Variants in CACNA1E observed in about 807,000 individuals in gnomAD.
CACNA1E encodes voltage-dependent R-type calcium channel subunit alpha-1E.
Under a neutral mutation model 259.2 loss-of-function variants are expected in CACNA1E, and 40 were observed. The observed-to-expected ratio is 0.15, with a 90% confidence interval of 0.12 to 0.20. The LOEUF (loss-of-function observed/expected upper bound fraction) is 0.20. CACNA1E is among the 10% of genes least tolerant of loss of function. The pLI, the probability that CACNA1E is intolerant of heterozygous loss-of-function variation, is 1.00. For synonymous variants in CACNA1E, 1,104 were observed against 1,138.5 expected (o/e 0.97, Z 0.61); for missense variants, 1,874 against 3,040.1 (o/e 0.62, Z 9.02).
chr1:181,481,998 G>T (rs556677422), upstream of CACNA1E, among the ~76,000 whole-genome samples: 2 of 152,308 alleles, frequency 1.3e-5, no homozygotes, highest in Non-Finnish European at 2.9e-5. Context: ...ACGTCGGGCA[G>T]GGCTTTCCTA....
At chr1:181,463,309 T>C (rs1207261663) in intron 2 of CACNA1E, among the ~76,000 whole-genome samples, 1 of 152,108 alleles carries the variant, frequency 6.6e-6, no homozygotes, top group Non-Finnish European at 1.5e-5. Context: ...TCTAAAATTA[T>C]CTTAATATTT....
chr1:181,489,629 T>C (rs1664142338), intron 1 of CACNA1E, among the ~76,000 whole-genome samples: 1 of 152,224 alleles, frequency 6.6e-6, no homozygotes, highest in Admixed American at 6.5e-5. Flanking sequence ...ACTCAGAGAC[T>C]GTGGTTAAGT....
upstream of CACNA1E, among the ~76,000 whole-genome samples, chr1:181,481,376 A>T (rs989413351): frequency 8.7e-4 from 130 of 148,806 alleles, no homozygotes; most frequent in Admixed American, 2.5e-3. Context: ...ACACACTCTC[A>T]CATACATTCT....
At chr1:181,540,271 CA>C (rs1340823139) in intron 3 of CACNA1E, among the ~76,000 whole-genome samples, 1 of 152,168 alleles carries the variant, frequency 6.6e-6, no homozygotes, top group Non-Finnish European at 1.5e-5. Flanking sequence ...CCTCATCTCC[CA>C]AACCGTGGCA....
At chr1:181,387,791 G>A (rs1052838696) in intron 1 of CACNA1E, among the ~76,000 whole-genome samples, 3 of 152,180 alleles carry the variant, frequency 2.0e-5, no homozygotes, top group African/African-American at 7.2e-5. Flanking sequence ...GTCAGTGCTT[G>A]CATTTTTTGT....
At chr1:181,754,640 C>T (rs1657926824) in intron 27 of CACNA1E, among the ~76,000 whole-genome samples, 1 of 152,180 alleles carries the variant, frequency 6.6e-6, no homozygotes, top group African/African-American at 2.4e-5. Context: ...TTCTATTGGT[C>T]TTCATCCCAA....
At chr1:181,587,941 A>G (rs1037905033) in intron 6 of CACNA1E, among the ~76,000 whole-genome samples, 2 of 152,236 alleles carry the variant, frequency 1.3e-5, no homozygotes, top group Non-Finnish European at 2.9e-5. Context: ...GGACAAATTC[A>G]GTCTGTGGAG....
At chr1:181,388,102 C>A (rs1019733772) in intron 1 of CACNA1E, among the ~76,000 whole-genome samples, 2 of 152,206 alleles carry the variant, frequency 1.3e-5, no homozygotes, top group African/African-American at 4.8e-5. Flanking sequence ...ATTTGTTTCT[C>A]CCCGGAGAGT....
At chr1:181,710,711 A>G (rs1347314587) in intron 7 of CACNA1E, among the ~76,000 whole-genome samples, 1 of 152,236 alleles carries the variant, frequency 6.6e-6, no homozygotes, top group Non-Finnish European at 1.5e-5. Context: ...AAACAGAGCA[A>G]GCAATCAGTT....
intron 6 of CACNA1E, among the ~76,000 whole-genome samples, chr1:181,616,705 T>C (rs1242272101): frequency 6.6e-6 from 1 of 151,604 alleles, no homozygotes. Flanking sequence ...AGAGCAAGAC[T>C]CCATCTCAAA....
chr1:181,755,899 C>A, intron 28 of CACNA1E, 57 bp from the exon 29 acceptor site: 2 of 1,565,854 alleles, frequency 1.3e-6, no homozygotes, highest in Non-Finnish European at 1.7e-6. Flanking sequence ...TGTGCTGACT[C>A]TTCTGTAGAA....
intron 3 of CACNA1E, among the ~76,000 whole-genome samples, chr1:181,539,196 T>C (rs2102771843): frequency 6.6e-6 from 1 of 152,320 alleles, no homozygotes; most frequent in Non-Finnish European, 1.5e-5. Context: ...TTTCCGTTAC[T>C]CGTTGACTAG....
At chr1:181,456,185 A>G (rs1227375839) in intron 2 of CACNA1E, among the ~76,000 whole-genome samples, 3 of 152,140 alleles carry the variant, frequency 2.0e-5, no homozygotes, top group African/African-American at 7.2e-5. Context: ...TGATGGTACC[A>G]GTGAGTGAGG....
chr1:181,731,371 A>G, intron 19 of CACNA1E, 140 bp downstream of exon 19: 2 of 699,284 alleles, frequency 2.9e-6, no homozygotes, highest in East Asian at 5.4e-5. Context: ...TGTTCCGTTC[A>G]CATGATCTGT....
intron 25 of CACNA1E, among the ~76,000 whole-genome samples, chr1:181,740,034 C>T (rs895276525): frequency 3.9e-5 from 6 of 152,260 alleles, no homozygotes; most frequent in East Asian, 3.9e-4. Flanking sequence ...TTTCCTAACC[C>T]GGTGTATAGA....
intron 6 of CACNA1E, among the ~76,000 whole-genome samples, chr1:181,635,223 C>A (rs992191283): frequency 6.6e-6 from 1 of 152,220 alleles, no homozygotes; most frequent in East Asian, 1.9e-4. Context: ...CATCCTTCTG[C>A]AGGCTTCAGG....
rs371015993 is a variant in CACNA1E at position 181,755,449 on chromosome 1, A to T, written c.3989+52A>T. On this transcript the variant is annotated intron_variant, in intron 28 of 47. Transcript: ENST00000367573. ...GATTTTGCTGAAGCATGTCCTGATG[A>T]TCCCACTCCACCACCACAGGTCCAC... The T allele has an allele frequency of 2.1e-4, 301 of 1,425,510 alleles. 1 individual carries two copies. In the African/African-American group the frequency reaches 4.0e-3, roughly 19 times the overall value. 88.3% of individuals were successfully genotyped at this position (1,425,510 alleles called of 1,614,324 possible).
intron 6 of CACNA1E, among the ~76,000 whole-genome samples, chr1:181,638,327 A>G (rs1657426479): frequency 6.6e-6 from 1 of 152,252 alleles, no homozygotes; most frequent in African/African-American, 2.4e-5. Flanking sequence ...TAGTATTACA[A>G]TATGAAATTA....
At chr1:181,632,003 G>T (rs1001952027) in intron 6 of CACNA1E, among the ~76,000 whole-genome samples, 2 of 152,136 alleles carry the variant, frequency 1.3e-5, no homozygotes, top group African/African-American at 4.8e-5. Context: ...TGCAGGAGAT[G>T]GTATCAACAG....
Sources: gnomAD v4.1 joint callset for allele counts (sites outside exome capture counted in the v4.1 genomes callset) on GRCh38, gnomAD v4.1.1 for gene constraint, MANE v1.5 for transcripts, NCBI Gene and HGNC (gene_info 2026-07-23, HGNC 2026-07-21) for gene names.